SLC2A13: variants seen among roughly 807,000 people sequenced by gnomAD.
SLC2A13 encodes solute carrier family 2 member 13, also known as proton myo-inositol cotransporter.
In SLC2A13, 32 loss-of-function variants were observed where a neutral mutation model predicts 64.4. The observed-to-expected ratio is 0.50, with a 90% confidence interval of 0.37 to 0.67. The LOEUF (loss-of-function observed/expected upper bound fraction) is 0.67, where lower values mean the gene tolerates loss of function less well. Ranked by LOEUF, SLC2A13 falls within the 30% of genes least tolerant of loss-of-function variation. The probability of loss-of-function intolerance (pLI) is 0.00; values close to 1 mark genes in which losing one functional copy is unlikely to be tolerated. For missense variants in SLC2A13, 743 were observed against 829.2 expected (o/e 0.90, Z 1.28); for synonymous variants, 338 against 327.1 (o/e 1.03, Z -0.36).
intron 3 of SLC2A13, among the ~76,000 whole-genome samples, chr12:39,961,425 G>A (rs1467661153): frequency 6.6e-6 from 1 of 152,152 alleles, no homozygotes. Context: ...CTTGATGAAA[G>A]CTTCTGATAC....
chr12:39,984,882 C>G (rs1304515946), intron 3 of SLC2A13, among the ~76,000 whole-genome samples: 1 of 152,072 alleles, frequency 6.6e-6, no homozygotes, highest in Non-Finnish European at 1.5e-5. Flanking sequence ...GATTTGCTGT[C>G]ATATATCTTT....
chr12:39,961,796 C>T (rs557467168), intron 3 of SLC2A13, among the ~76,000 whole-genome samples: 5 of 151,614 alleles, frequency 3.3e-5, no homozygotes, highest in East Asian at 1.9e-4. Context: ...CCGCCACACT[C>T]GGCCTTTCTT....
At chr12:40,079,795 A>T (rs1423564901) in intron 1 of SLC2A13, among the ~76,000 whole-genome samples, 1 of 152,224 alleles carries the variant, frequency 6.6e-6, no homozygotes. Flanking sequence ...TGTTGGGTGC[A>T]AATATACTTA....
At chr12:39,967,521 A>G (rs1179978795) in intron 3 of SLC2A13, among the ~76,000 whole-genome samples, 1 of 152,238 alleles carries the variant, frequency 6.6e-6, no homozygotes, top group African/African-American at 2.4e-5. Context: ...CTCCTTATGT[A>G]AAATACAGCC....
chr12:39,801,728 T>A (rs1037294730), intron 7 of SLC2A13, among the ~76,000 whole-genome samples: 7 of 152,186 alleles, frequency 4.6e-5, no homozygotes, highest in Non-Finnish European at 8.8e-5. Flanking sequence ...GGGATTCAGT[T>A]TCCTCATCTA....
At chr12:39,778,552 T>C (rs1034780057) in intron 7 of SLC2A13, among the ~76,000 whole-genome samples, 3 of 152,214 alleles carry the variant, frequency 2.0e-5, no homozygotes, top group African/African-American at 7.2e-5. Context: ...TATTATTAAT[T>C]TTATTTATTT....
chr12:39,928,601 T>A (rs1352622436), intron 4 of SLC2A13, among the ~76,000 whole-genome samples: 4 of 152,234 alleles, frequency 2.6e-5, no homozygotes, highest in Non-Finnish European at 5.9e-5. Flanking sequence ...CTTGCCTGTT[T>A]CTTGTCTCAA....
At chr12:40,058,837 TTA>T (rs1474719996) in intron 1 of SLC2A13, among the ~76,000 whole-genome samples, 3 of 152,190 alleles carry the variant, frequency 2.0e-5, no homozygotes, top group African/African-American at 7.2e-5. Flanking sequence ...AGACTCTACA[TTA>T]TATGACAAAC....
At chr12:39,902,020 G>T (rs1035988318) in intron 4 of SLC2A13, among the ~76,000 whole-genome samples, 26 of 151,922 alleles carry the variant, frequency 1.7e-4, no homozygotes, top group Non-Finnish European at 3.2e-4. Context: ...CCAGAAAAAA[G>T]GATGAGTTCA....
At chr12:39,901,311 T>C (rs566292007) in intron 4 of SLC2A13, among the ~76,000 whole-genome samples, 64 of 151,996 alleles carry the variant, frequency 4.2e-4, no homozygotes, top group African/African-American at 1.4e-3. Context: ...ACACCAAAAG[T>C]AATGGCAACA....
At chr12:39,879,205 C>T (rs1008366947) in intron 4 of SLC2A13, among the ~76,000 whole-genome samples, 2 of 152,250 alleles carry the variant, frequency 1.3e-5, no homozygotes, top group African/African-American at 4.8e-5. Context: ...AAGCCTGCTG[C>T]AGGGGCAGAG....
chr12:39,933,084 C>G (rs530766248), intron 4 of SLC2A13, among the ~76,000 whole-genome samples: 3 of 152,138 alleles, frequency 2.0e-5, no homozygotes, highest in African/African-American at 7.2e-5. Flanking sequence ...CAAAAATTAG[C>G]CAGTCGTGGG....
chr12:40,104,180 A>G (rs1939228922), intron 1 of SLC2A13, among the ~76,000 whole-genome samples: 1 of 152,350 alleles, frequency 6.6e-6, no homozygotes, highest in Non-Finnish European at 1.5e-5. Context: ...AAATACTTCA[A>G]CAGCACCCTA....
At chr12:40,088,328 C>T (rs1318125433) in intron 1 of SLC2A13, among the ~76,000 whole-genome samples, 1 of 152,182 alleles carries the variant, frequency 6.6e-6, no homozygotes, top group Non-Finnish European at 1.5e-5. Flanking sequence ...ATTTTAACTG[C>T]TCTCTCTAAA....
chr12:39,887,089 C>T (rs1944481975), intron 4 of SLC2A13, among the ~76,000 whole-genome samples: 1 of 152,174 alleles, frequency 6.6e-6, no homozygotes, highest in South Asian at 2.1e-4. Flanking sequence ...AATTCTTACT[C>T]AGTTTATGCA....
intron 7 of SLC2A13, among the ~76,000 whole-genome samples, chr12:39,798,654 G>A (rs1941663988): frequency 6.6e-6 from 1 of 152,122 alleles, no homozygotes; most frequent in Admixed American, 6.5e-5. Flanking sequence ...AGCCTCCCTG[G>A]AACAGCCCGG....
At chr12:40,087,370 C>A (rs575668429) in intron 1 of SLC2A13, among the ~76,000 whole-genome samples, 10 of 152,196 alleles carry the variant, frequency 6.6e-5, no homozygotes, top group Non-Finnish European at 7.3e-5. Flanking sequence ...CTCTGTGTTT[C>A]TTCCATTCAT....
At chr12:40,066,638 T>C (rs528887616) in intron 1 of SLC2A13, among the ~76,000 whole-genome samples, 2 of 152,210 alleles carry the variant, frequency 1.3e-5, no homozygotes, top group East Asian at 3.9e-4. Context: ...GACAAAAAAG[T>C]ACAGTTAATA....
At chr12:39,878,922 A>C (rs1459984086) in intron 4 of SLC2A13, among the ~76,000 whole-genome samples, 3 of 152,228 alleles carry the variant, frequency 2.0e-5, no homozygotes, top group Non-Finnish European at 2.9e-5. Context: ...CTAGGAGTAT[A>C]GAATGGTTTT....
Sources: allele counts gnomAD v4.1 joint callset (sites outside exome capture counted in the v4.1 genomes callset), GRCh38; gene constraint gnomAD v4.1.1; transcripts MANE v1.5; gene names NCBI Gene and HGNC (gene_info 2026-07-23, HGNC 2026-07-21).